The following PRDM16 variants were observed in gnomAD, a reference collection of about 807,000 sequenced individuals.
The protein encoded by PRDM16 is histone-lysine N-methyltransferase PRDM16.
PRDM16 carries 23 observed loss-of-function variants against 110.6 expected under a neutral mutation model. That is an observed-to-expected ratio of 0.21 (90% CI 0.15 to 0.29). PRDM16 has a LOEUF of 0.29. Ranked by LOEUF, PRDM16 falls within the 10% of genes least tolerant of loss-of-function variation. PRDM16 has a pLI of 1.00. For missense variants in PRDM16, 1,615 were observed against 1,794.3 expected (o/e 0.90, Z 1.81); for synonymous variants, 799 against 781.8 (o/e 1.02, Z -0.37).
Position 3,412,046 on chromosome 1 carries a change from A to T in PRDM16, c.1849A>T (p.Thr617Ser). The T allele has an allele frequency of 6.2e-7, 1 of 1,611,300 alleles. No homozygotes were observed. The highest frequency in any genetic ancestry group is 1.3e-5 in the African/African-American group (1 of 75,002). The change falls in exon 9 of 17, where the codon ACG becomes TCG. Residue 617 changes from threonine to serine, a missense_variant. Transcript: ENST00000270722. ...VNTTTGTDLD[T>S]TTGTGSDLDS... ...CACCACCACGGGGACCGACCTGGACACGACCACGGGGACGGGCTCGGACCT... is the reference window on the plus strand; with the variant it reads ...CACCACCACGGGGACCGACCTGGACTCGACCACGGGGACGGGCTCGGACCT...
chr1:3,192,999 G>A (rs75625656), intron 2 of PRDM16, among the ~76,000 whole-genome samples: 1 of 152,122 alleles, frequency 6.6e-6, no homozygotes, highest in East Asian at 1.9e-4. Flanking sequence ...GGAAGGACCC[G>A]GCCAGACAGC....
At chr1:3,313,737 G>A (rs554009513) in intron 3 of PRDM16, among the ~76,000 whole-genome samples, 27 of 152,274 alleles carry the variant, frequency 1.8e-4, no homozygotes, top group South Asian at 1.0e-3. Flanking sequence ...CTCCTGCCCC[G>A]GCGGGCCTGG....
In PRDM16 at chr1:3,148,167, G is replaced by A. The variant is rs1435508304; in HGVS notation, c.38-37958G>A. 1.3e-5 allele frequency among the ~76,000 whole-genome samples: 2 copies of A among 152,056 alleles called. No individual in the cohort carries two copies. The highest frequency in any genetic ancestry group is 2.9e-5 in the Non-Finnish European group (2 of 68,004). On this transcript the variant is annotated intron_variant, in intron 1 of 16. Transcript: ENST00000270722. The surrounding 1 kb of genome is among the most constrained non-coding windows in gnomAD (Gnocchi z 5.0). Reference sequence around the variant, plus strand: ...TTTGTGGGAGGGGCTGGGCTGAGAGGTGGGAAGGAGCCCCCGGATGAGTGA... The same window carrying A: ...TTTGTGGGAGGGGCTGGGCTGAGAGATGGGAAGGAGCCCCCGGATGAGTGA...
intron 3 of PRDM16, among the ~76,000 whole-genome samples, chr1:3,320,321 T>C (rs1486669862): frequency 1.3e-5 from 2 of 152,172 alleles, no homozygotes; most frequent in East Asian, 3.9e-4. Flanking sequence ...TAGATGTGTG[T>C]GTGTGTGCGT....
chr1:3,289,807 G>T (rs759576897), intron 3 of PRDM16, among the ~76,000 whole-genome samples: 1 of 152,138 alleles, frequency 6.6e-6, no homozygotes, highest in Non-Finnish European at 1.5e-5. Flanking sequence ...GGCAAAGGAT[G>T]GAAAGAAGGC....
chr1:3,212,125 G>T (rs1638899867), intron 2 of PRDM16, among the ~76,000 whole-genome samples: 1 of 152,206 alleles, frequency 6.6e-6, no homozygotes, highest in African/African-American at 2.4e-5. Context: ...AACCGTCAGG[G>T]CTGCGGAAGG....
chr1:3,156,902 G>T (rs1643863956), intron 1 of PRDM16, among the ~76,000 whole-genome samples: 1 of 152,216 alleles, frequency 6.6e-6, no homozygotes, highest in Non-Finnish European at 1.5e-5. Flanking sequence ...GTCAGCTCTG[G>T]GGCGGCCTCC....
chr1:3,341,934 T>C (rs1472876362), intron 3 of PRDM16, among the ~76,000 whole-genome samples: 1 of 152,236 alleles, frequency 6.6e-6, no homozygotes, highest in East Asian at 1.9e-4. Flanking sequence ...TCACAATATT[T>C]TCAATTTATG....
Position 3,353,194 on chromosome 1 carries a change from T to G in PRDM16, c.439-31958T>G, listed in dbSNP as rs1642528787. Among the ~76,000 whole-genome samples, 1 of 152,192 alleles carries G rather than the reference T, an allele frequency of 6.6e-6. No individual in the cohort carries two copies. Among genetic ancestry groups the G allele is most frequent in the Non-Finnish European group, 1.5e-5 (1 of 68,032 alleles). On this transcript the variant is annotated intron_variant, in intron 3 of 16. Transcript: ENST00000270722. The surrounding 1 kb of genome is among the most constrained non-coding windows in gnomAD (Gnocchi z 5.4). Reference sequence around the variant, plus strand: ...TGCTTCCTCCTGACCAATGCCCTCCTGTAGTAAAAGTTAACCGGGTGTGAA... The same window carrying G: ...TGCTTCCTCCTGACCAATGCCCTCCGGTAGTAAAAGTTAACCGGGTGTGAA...
intron 2 of PRDM16, among the ~76,000 whole-genome samples, chr1:3,217,671 G>T (rs1337760381): frequency 6.6e-6 from 1 of 152,174 alleles, no homozygotes; most frequent in Admixed American, 6.5e-5. Context: ...TTCACTCACG[G>T]CCCTGCTCTT....
intron 3 of PRDM16, among the ~76,000 whole-genome samples, chr1:3,324,266 C>T (rs1051066894): frequency 2.6e-5 from 4 of 152,076 alleles, no homozygotes; most frequent in Non-Finnish European, 4.4e-5. Context: ...GAGGGGGCTC[C>T]GCCTGCAGGG....
intron 2 of PRDM16, among the ~76,000 whole-genome samples, chr1:3,239,687 G>A (rs1025979307): frequency 3.9e-5 from 6 of 152,172 alleles, no homozygotes; most frequent in Admixed American, 1.3e-4. Flanking sequence ...AGTGGCTCAC[G>A]CCTGTCATCC....
At chr1:3,343,220 G>A (rs1184932596) in intron 3 of PRDM16, among the ~76,000 whole-genome samples, 2 of 147,906 alleles carry the variant, frequency 1.4e-5, no homozygotes, top group African/African-American at 5.0e-5. Flanking sequence ...TCTCATTGTG[G>A]ATCTAGTATG....
At position 3,425,677 on chromosome 1, in the gene PRDM16, G is replaced by A. The variant is rs1638582732; in HGVS notation, c.3036G>A (p.Leu1012=). 3 of 1,613,958 alleles carry A rather than the reference G, an allele frequency of 1.9e-6. No homozygotes were observed. Among genetic ancestry groups the A allele is most frequent in the East Asian group, 2.2e-5 (1 of 44,854 alleles). ...HNKEKPFKCH[L]CNRCFGQQTN... ...AGGAGAAGCCTTTCAAGTGCCACCTGTGCAACCGCTGCTTCGGGCAGCAGA... is the reference window on the plus strand; with the variant it reads ...AGGAGAAGCCTTTCAAGTGCCACCTATGCAACCGCTGCTTCGGGCAGCAGA... The change falls in exon 13 of 17, where the codon CTG becomes CTA. Residue 1012 remains leucine, a synonymous_variant. Coordinates refer to ENST00000270722, the MANE Select transcript of PRDM16 (RefSeq NM_022114.4). The surrounding 1 kb of genome is among the most constrained non-coding windows in gnomAD (Gnocchi z 6.9).
chr1:3,300,763 T>C (rs1177419282), intron 3 of PRDM16, among the ~76,000 whole-genome samples: 1 of 152,212 alleles, frequency 6.6e-6, no homozygotes, highest in Non-Finnish European at 1.5e-5. Flanking sequence ...ACCCCATTTA[T>C]GTGTGTGAAG....
At chr1:3,192,292 G>C (rs1050594910) in intron 2 of PRDM16, among the ~76,000 whole-genome samples, 1 of 152,178 alleles carries the variant, frequency 6.6e-6, no homozygotes, top group African/African-American at 2.4e-5. Context: ...TGGGGCATGC[G>C]GGTTGGGTGC....
chr1:3,190,872 G>C lies in PRDM16; in HGVS notation c.387+4398G>C, dbSNP rs1446403382. On this transcript the variant is annotated intron_variant, in intron 2 of 16. Transcript: ENST00000270722. The surrounding 1 kb of genome is among the most constrained non-coding windows in gnomAD (Gnocchi z 5.0). ...TTGCTAATTAAGAGGCGGCTGCCCG[G>C]TGACAGCCCAGAGGGAGGAGGCCAT... is the stretch of plus-strand genomic sequence containing the variant. 2.6e-5 allele frequency among the ~76,000 whole-genome samples: 4 copies of C among 152,258 alleles called. No individual in the cohort carries two copies. Among genetic ancestry groups the C allele is most frequent in the African/African-American group, 9.6e-5 (4 of 41,474 alleles).
chr1:3,109,284 G>A (rs776738452), intron 1 of PRDM16, among the ~76,000 whole-genome samples: 4 of 152,034 alleles, frequency 2.6e-5, no homozygotes, highest in African/African-American at 7.3e-5. Context: ...CAGCTCCTTC[G>A]ACTGGACCAA....
intron 3 of PRDM16, among the ~76,000 whole-genome samples, chr1:3,357,725 C>T (rs1006167087): frequency 6.6e-6 from 1 of 152,202 alleles, no homozygotes; most frequent in African/African-American, 2.4e-5. Flanking sequence ...AGCAGCACTT[C>T]TCAACCCAGG....
Sources: gnomAD v4.1 joint callset for allele counts (sites outside exome capture counted in the v4.1 genomes callset) on GRCh38, gnomAD v4.1.1 for gene constraint, Gnocchi (gnomAD v3.1) non-coding constraint, MANE v1.5 for transcripts, NCBI Gene and HGNC (gene_info 2026-07-23, HGNC 2026-07-21) for gene names.